The following FXYD6 variants were observed in gnomAD, a reference collection of about 807,000 sequenced individuals.
FXYD6 encodes FXYD domain containing ion transport regulator 6.
FXYD6 carries 7 observed loss-of-function variants against 16.7 expected under a neutral mutation model. The observed-to-expected ratio is 0.42, with a 90% CI of 0.24 to 0.79. The LOEUF (loss-of-function observed/expected upper bound fraction) is 0.79. FXYD6 is among the 30% of genes least tolerant of loss of function. The probability of loss-of-function intolerance (pLI) is 0.28; values close to 1 mark genes in which losing one functional copy is unlikely to be tolerated. For synonymous variants in FXYD6, 49 were observed against 43.0 expected (o/e 1.14, Z -0.54); for missense variants, 111 against 116.2 (o/e 0.95, Z 0.21).
At chr11:117,849,330 A>T (rs1373967912) in intron 1 of FXYD6, among the ~76,000 whole-genome samples, 1 of 152,206 alleles carries the variant, frequency 6.6e-6, no homozygotes, top group Non-Finnish European at 1.5e-5. Flanking sequence ...TTGACTTCTA[A>T]CTTAAGTGCA....
At chr11:117,876,758 G>T (rs957923909), upstream of FXYD6, 19 of 152,060 alleles carry the variant, frequency 1.2e-4, no homozygotes, top group Admixed American at 5.2e-4. Context: ...GCGGGGGCGG[G>T]GGGGGGGCTC....
intron 1 of FXYD6, among the ~76,000 whole-genome samples, chr11:117,864,610 G>A (rs765928495): frequency 8.6e-5 from 13 of 151,622 alleles, no homozygotes; most frequent in South Asian, 2.1e-4. Context: ...TTTTTGAGAC[G>A]GAGTCTCACC....
chr11:117,858,004 T>G (rs1391755313), intron 1 of FXYD6, among the ~76,000 whole-genome samples: 2 of 152,192 alleles, frequency 1.3e-5, no homozygotes, highest in African/African-American at 4.8e-5. Context: ...GAATGTGTTT[T>G]ATTTTTATGG....
At position 117,858,659 on chromosome 11, in the gene FXYD6, CT is replaced by C. The variant is rs1208750663; in HGVS notation, c.-5-15879del. On this transcript the variant is annotated intron_variant, in intron 1 of 7. Coordinates refer to ENST00000526014, the MANE Select transcript of FXYD6 (RefSeq NM_022003.4). ...TCTTTCTTTCTTTCTTTCTTTCTTT[CT>C]TTCTTTCTTTCTTTCTTTCTTTCTT... is the stretch of plus-strand genomic sequence containing the variant. Among the ~76,000 whole-genome samples the C allele has an allele frequency of 3.0e-4, 24 of 79,202 alleles. 1 individual carries two copies. Among genetic ancestry groups the C allele is most frequent in the African/African-American group, 1.3e-3 (22 of 17,292 alleles). 52.0% of individuals were successfully genotyped at this position (79,202 alleles called of 152,430 possible). A position where few individuals can be genotyped will look rare whatever the true frequency, so the allele number is the denominator to read the frequency against.
chr11:117,838,736 TC>T, intron 7 of FXYD6: 1 of 186,600 alleles, frequency 5.4e-6, no homozygotes, highest in East Asian at 1.3e-4. Flanking sequence ...TCACTTGCCT[TC>T]GAGAGCCCCA....
chr11:117,857,582 T>C (rs1222802600), intron 1 of FXYD6, among the ~76,000 whole-genome samples: 1 of 152,108 alleles, frequency 6.6e-6, no homozygotes, highest in East Asian at 1.9e-4. Flanking sequence ...CTAATTTTTG[T>C]ATTTTTAGTA....
intron 1 of FXYD6, among the ~76,000 whole-genome samples, chr11:117,862,480 C>T (rs1362886574): frequency 6.6e-6 from 1 of 152,196 alleles, no homozygotes; most frequent in Non-Finnish European, 1.5e-5. Context: ...GAGAAAACAA[C>T]TCACGCCCTT....
chr11:117,876,233 G>A (rs73588911), intron 1 of FXYD6, among the ~76,000 whole-genome samples: 1 of 152,012 alleles, frequency 6.6e-6, no homozygotes, highest in Non-Finnish European at 1.5e-5. Flanking sequence ...AAGTAACAAA[G>A]GGAAAACTCC....
intron 1 of FXYD6, among the ~76,000 whole-genome samples, chr11:117,843,506 C>G (rs2056405507): frequency 6.6e-6 from 1 of 152,198 alleles, no homozygotes; most frequent in Non-Finnish European, 1.5e-5. Context: ...TTCTGACAGC[C>G]AATACCCCAT....
At chr11:117,848,973 C>A (rs1375146566) in intron 1 of FXYD6, among the ~76,000 whole-genome samples, 3 of 151,962 alleles carry the variant, frequency 2.0e-5, no homozygotes, top group Admixed American at 2.0e-4. Context: ...CTTAATTCTG[C>A]CCTTAAACAA....
Position 117,871,470 on chromosome 11 carries a change from C to T in FXYD6, c.-6+5122G>A, listed in dbSNP as rs765592432. Among the ~76,000 whole-genome samples, 14 of 151,154 alleles carry T rather than the reference C, an allele frequency of 9.3e-5. No individual in the cohort carries two copies. The Middle Eastern group carries it at 0.017, about 184-fold the overall frequency. Reference sequence around the variant, plus strand: ...GCAGTGGAGCGGGCGGGGTGGGAGGCGGGGCGTGTCCCTCTGCAGCTAAAA... The same window carrying T: ...GCAGTGGAGCGGGCGGGGTGGGAGGTGGGGCGTGTCCCTCTGCAGCTAAAA... On this transcript the variant is annotated intron_variant, in intron 1 of 7. Transcript: ENST00000526014.
chr11:117,857,077 C>G (rs2056746664), intron 1 of FXYD6, among the ~76,000 whole-genome samples: 1 of 152,168 alleles, frequency 6.6e-6, no homozygotes, highest in South Asian at 2.1e-4. Context: ...ATGGGGTGGC[C>G]AGGGACATGA....
Position 117,837,789 on chromosome 11 carries a change from G to A in FXYD6, c.*510C>T. On this transcript the variant is annotated 3_prime_UTR_variant, in exon 8 of 8. Transcript: ENST00000526014. The surrounding 1 kb of genome is among the most constrained non-coding windows in gnomAD (Gnocchi z 4.4). ...TGACAAAGTGCTGCAAACCTTCCCAGGTCCCAAGACGACTGAAGACCACTG... is the reference window on the plus strand; with the variant it reads ...TGACAAAGTGCTGCAAACCTTCCCAAGTCCCAAGACGACTGAAGACCACTG... 5.3e-6 allele frequency: 1 copy of A among 188,576 alleles called. No individual in the cohort carries two copies. The highest frequency in any genetic ancestry group is 1.3e-4 in the South Asian group (1 of 7,744). 11.7% of individuals were successfully genotyped at this position (188,576 alleles called of 1,614,324 possible).
chr11:117,864,673 A>G (rs754658660), intron 1 of FXYD6, among the ~76,000 whole-genome samples: 28 of 151,654 alleles, frequency 1.8e-4, no homozygotes, highest in Admixed American at 9.2e-4. Flanking sequence ...TGCAACCTCC[A>G]CCTCCGGGGT....
At chr11:117,860,567 G>A (rs755519956) in intron 1 of FXYD6, among the ~76,000 whole-genome samples, 6 of 152,176 alleles carry the variant, frequency 3.9e-5, no homozygotes, top group East Asian at 1.9e-4. Context: ...CTGTTTACTC[G>A]GGTGGGGGAT....
chr11:117,839,577 G>C (rs761588591), intron 7 of FXYD6: 1 of 551,770 alleles, frequency 1.8e-6, no homozygotes, highest in African/African-American at 1.9e-5. Context: ...TGGCATGCAT[G>C]TGTGTGGGAC....
At chr11:117,844,949 T>C (rs1018953718) in intron 1 of FXYD6, among the ~76,000 whole-genome samples, 1 of 152,252 alleles carries the variant, frequency 6.6e-6, no homozygotes, top group African/African-American at 2.4e-5. Context: ...CTTCAAGATA[T>C]GTTAAGAGGG....
chr11:117,865,421 C>A, intron 1 of FXYD6, among the ~76,000 whole-genome samples: 1 of 152,196 alleles, frequency 6.6e-6, no homozygotes, highest in South Asian at 2.1e-4. Flanking sequence ...AACCCATGTT[C>A]ATAGCAGCAT....
chr11:117,876,433 C>T (rs1445705542), intron 1 of FXYD6, among the ~76,000 whole-genome samples, 159 bp downstream of exon 1: 1 of 152,222 alleles, frequency 6.6e-6, no homozygotes, highest in Non-Finnish European at 1.5e-5. Flanking sequence ...TTTCCCGCTG[C>T]CCAGGCGGGG....
Sources: gnomAD v4.1 joint callset for allele counts (sites outside exome capture counted in the v4.1 genomes callset) on GRCh38, gnomAD v4.1.1 for gene constraint, Gnocchi (gnomAD v3.1) non-coding constraint, MANE v1.5 for transcripts, NCBI Gene and HGNC (gene_info 2026-07-23, HGNC 2026-07-21) for gene names.